DHX36: variants seen among roughly 807,000 people sequenced by gnomAD.
DHX36 encodes the protein ATP-dependent DNA/RNA helicase DHX36.
Under a neutral mutation model 139.0 loss-of-function variants are expected in DHX36, and 50 were observed. The ratio of observed to expected loss-of-function variants is 0.36; its 90% CI spans 0.29 to 0.46. The LOEUF is 0.46. Ranked by LOEUF, DHX36 falls within the 20% of genes least tolerant of loss-of-function variation. DHX36 has a pLI of 1.00. For missense variants in DHX36, 1,024 were observed against 1,211.3 expected (o/e 0.85, Z 2.29); for synonymous variants, 425 against 401.9 (o/e 1.06, Z -0.69).
chr3:154,304,100 A>T (rs999769004), intron 8 of DHX36, among the ~76,000 whole-genome samples: 1 of 152,134 alleles, frequency 6.6e-6, no homozygotes. Flanking sequence ...ACCCCAACTA[A>T]TCTTACATGG....
chr3:154,276,557 GC>G lies in DHX36; in HGVS notation c.2841+189del, dbSNP rs1719155330. ...AAAATTCACACTGCAATCACACTGA[GC>G]CATTTAGAATGGCTGGTCTGTTACC... is the stretch of plus-strand genomic sequence containing the variant. On this transcript the variant is annotated intron_variant, in intron 24 of 24. Coordinates refer to ENST00000496811, the MANE Select transcript of DHX36 (RefSeq NM_020865.3). The G allele has an allele frequency of 3.9e-6, 3 of 763,586 alleles. No homozygotes were observed. The Admixed American group carries it at 9.0e-5, about 23-fold the overall frequency. 47.3% of individuals were successfully genotyped at this position (763,586 alleles called of 1,614,324 possible).
intron 15 of DHX36, among the ~76,000 whole-genome samples, chr3:154,291,207 C>T (rs1711798151): frequency 6.7e-6 from 1 of 149,494 alleles, no homozygotes; most frequent in Admixed American, 6.6e-5. Context: ...TTCTGATCTC[C>T]AAAATAATAA....
At chr3:154,306,742 G>C (rs1004680210) in intron 5 of DHX36, among the ~76,000 whole-genome samples, 3 of 152,094 alleles carry the variant, frequency 2.0e-5, no homozygotes, top group African/African-American at 4.8e-5. Flanking sequence ...CCAAAAATAA[G>C]ATTTGGAAAG....
chr3:154,312,348 A>G (rs975185408), intron 3 of DHX36: 1 of 152,180 alleles, frequency 6.6e-6, no homozygotes, highest in Non-Finnish European at 1.5e-5. Context: ...GAATACTACA[A>G]AAGGAATGAC....
At position 154,315,207 on chromosome 3, in the gene DHX36, T is replaced by C; in HGVS notation, c.442A>G (p.Ile148Val). The C allele has an allele frequency of 6.2e-7, 1 of 1,613,582 alleles. No individual in the cohort carries two copies. The highest frequency in any genetic ancestry group is 8.5e-7 in the Non-Finnish European group (1 of 1,179,706). ...NKLDIQEKKLINQEKKMFRIR... is the reference protein window; with the variant it reads ...NKLDIQEKKLVNQEKKMFRIR... Reference sequence around the variant, plus strand: ...CTAAACATTTTTTTTTCTTGATTTATCAACTTCTTTTCCTGGATGTCAAGT... The same window carrying C: ...CTAAACATTTTTTTTTCTTGATTTACCAACTTCTTTTCCTGGATGTCAAGT... The change falls in exon 3 of 25, where the codon ATA (isoleucine) becomes GTA (valine). Residue 148 changes from isoleucine (I) to valine (V), a missense_variant. Coordinates refer to ENST00000496811, the MANE Select transcript of DHX36 (RefSeq NM_020865.3).
chr3:154,319,584 A>C (rs774420129), intron 1 of DHX36, among the ~76,000 whole-genome samples: 2 of 152,180 alleles, frequency 1.3e-5, no homozygotes, highest in Non-Finnish European at 2.9e-5. Context: ...TGAGCTCTGC[A>C]GTCCAGTTCC....
Position 154,289,818 on chromosome 3 carries a change from G to A in DHX36, c.1823C>T (p.Pro608Leu). ...ATTATACAGATGATAGCAATGACCA[G>A]GTTGAACTCTTAAAAAAAAAACAAA... ...QRKGRAGRVQ[P>L]GHCYHLYNGL... is the part of the protein sequence containing the mutation. The change falls in exon 16 of 25, where the codon CCT becomes CTT. Residue 608 changes from proline (P) to leucine (L), a missense_variant. Coordinates refer to ENST00000496811, the MANE Select transcript of DHX36 (RefSeq NM_020865.3). 6.3e-7 allele frequency: 1 copy of A among 1,576,512 alleles called. No homozygotes were observed. The highest frequency in any genetic ancestry group is 8.6e-7 in the Non-Finnish European group (1 of 1,161,928).
At chr3:154,316,975 T>C (rs1713012400) in intron 1 of DHX36, among the ~76,000 whole-genome samples, 1 of 151,756 alleles carries the variant, frequency 6.6e-6, no homozygotes, top group African/African-American at 2.4e-5. Context: ...CGCGGAGTGG[T>C]GAAAATTAGA....
At chr3:154,301,355 C>A (rs1306042906) in intron 9 of DHX36, among the ~76,000 whole-genome samples, 1 of 152,240 alleles carries the variant, frequency 6.6e-6, no homozygotes, top group East Asian at 1.9e-4. Context: ...ACCTATAGAT[C>A]ATTTTTAGTC....
At chr3:154,304,726 T>C in intron 8 of DHX36, 80 bp downstream of exon 8, 1 of 1,070,006 alleles carries the variant, frequency 9.3e-7, no homozygotes, top group Non-Finnish European at 1.3e-6. Context: ...TTTTGACTAC[T>C]CTTTACCTAG....
At chr3:154,310,848 T>C (rs1421676672) in intron 4 of DHX36, among the ~76,000 whole-genome samples, 2 of 99,182 alleles carry the variant, frequency 2.0e-5, no homozygotes, top group African/African-American at 7.6e-5. Flanking sequence ...TATATATATA[T>C]ATATGTATAT....
intron 1 of DHX36, among the ~76,000 whole-genome samples, 171 bp downstream of exon 1, chr3:154,324,003 G>C (rs1467145838): frequency 6.6e-6 from 1 of 152,232 alleles, no homozygotes; most frequent in East Asian, 1.9e-4. Context: ...CATGGCTAAT[G>C]TTACGCAGTA....
In DHX36 at chr3:154,306,973, G is replaced by A. The variant is rs184155327; in HGVS notation, c.814-678C>T. Among the ~76,000 whole-genome samples, 323 of 152,018 alleles carry A rather than the reference G, an allele frequency of 2.1e-3. 1 individual carries two copies. The highest frequency in any genetic ancestry group is 0.013 in the Admixed American group (196 of 15,278). ...CCAACAGATGGTGGAAAAAAGAAGAGAAAAATTACCTACTTAGCATTTCTT... is the reference window on the plus strand; with the variant it reads ...CCAACAGATGGTGGAAAAAAGAAGAAAAAAATTACCTACTTAGCATTTCTT... On this transcript the variant is annotated intron_variant, in intron 5 of 24. Transcript: ENST00000496811.
intron 1 of DHX36, among the ~76,000 whole-genome samples, chr3:154,318,541 CA>C (rs1293590080): frequency 8.0e-6 from 1 of 124,240 alleles, no homozygotes; most frequent in Non-Finnish European, 1.8e-5. Flanking sequence ...TACTGGATAA[CA>C]TAACAGTCTA....
chr3:154,298,503 T>A (rs539563122), intron 12 of DHX36, among the ~76,000 whole-genome samples: 1 of 152,262 alleles, frequency 6.6e-6, no homozygotes, highest in Non-Finnish European at 1.5e-5. Context: ...GCAAGCTAGA[T>A]AGTAAATAAT....
chr3:154,297,082 T>C (rs1318737139), intron 12 of DHX36, among the ~76,000 whole-genome samples: 2 of 152,220 alleles, frequency 1.3e-5, no homozygotes, highest in African/African-American at 2.4e-5. Context: ...AATGGCCTGG[T>C]CTTTTCCATG....
chr3:154,292,840 T>C, intron 14 of DHX36, 146 bp from the exon 15 acceptor site: 2 of 1,353,148 alleles, frequency 1.5e-6, no homozygotes, highest in Non-Finnish European at 1.9e-6. Context: ...CAAATGATTT[T>C]AGCCATTCAG....
chr3:154,295,112 A>C (rs936652353), intron 13 of DHX36, among the ~76,000 whole-genome samples, 172 bp downstream of exon 13: 2 of 152,150 alleles, frequency 1.3e-5, no homozygotes, highest in African/African-American at 4.8e-5. Flanking sequence ...CAAGTTTTTG[A>C]GCAATCATCC....
intron 3 of DHX36, among the ~76,000 whole-genome samples, chr3:154,313,590 G>A (rs370439194): frequency 4.6e-5 from 7 of 152,136 alleles, no homozygotes; most frequent in African/African-American, 1.7e-4. Context: ...TAAGGTGGAA[G>A]GATCACTTGA....
Sources: gnomAD v4.1 joint callset for allele counts (sites outside exome capture counted in the v4.1 genomes callset) on GRCh38, gnomAD v4.1.1 for gene constraint, MANE v1.5 for transcripts, NCBI Gene and HGNC (gene_info 2026-07-23, HGNC 2026-07-21) for gene names.